PTPRD: variants seen among roughly 807,000 people sequenced by gnomAD.
PTPRD encodes protein tyrosine phosphatase receptor type D.
A neutral mutation model predicts 214.5 loss-of-function variants in PTPRD; 34 were observed. That is an observed-to-expected ratio of 0.16 (90% confidence interval 0.12 to 0.21). PTPRD has a LOEUF of 0.21. Among genes scored for constraint, PTPRD ranks in the 10% least tolerant of loss-of-function variants. The pLI, the probability that PTPRD is intolerant of heterozygous loss-of-function variation, is 1.00. For synonymous variants in PTPRD, 1,128 were observed against 845.7 expected, an observed-to-expected ratio of 1.33 and a Z score of -5.79; for missense variants, 2,545 against 2,398.7, an observed-to-expected ratio of 1.06 and a Z score of -1.27.
chr9:9,052,732 G>A (rs544076214), intron 10 of PTPRD, among the ~76,000 whole-genome samples: 1 of 152,204 alleles, frequency 6.6e-6, no homozygotes, highest in Non-Finnish European at 1.5e-5. Context: ...GTACAAAGCT[G>A]TAAAGAAGTC....
intron 2 of PTPRD, among the ~76,000 whole-genome samples, chr9:10,494,235 T>G (rs538991792): frequency 1.3e-5 from 2 of 152,036 alleles, no homozygotes; most frequent in African/African-American, 4.8e-5. Context: ...AAGGTAAAAT[T>G]TAATTCTTTC....
chr9:8,613,421 T>C (rs2095515312), intron 14 of PTPRD, among the ~76,000 whole-genome samples: 1 of 152,142 alleles, frequency 6.6e-6, no homozygotes, highest in Non-Finnish European at 1.5e-5. Context: ...TTCAACCATA[T>C]CTAGAAATAC....
chr9:8,831,905 T>C lies in PTPRD; in HGVS notation c.-103-97959A>G, dbSNP rs558618724. 3.0e-4 allele frequency among the ~76,000 whole-genome samples: 30 copies of C among 99,232 alleles called. No individual in the cohort carries two copies. In the South Asian group the frequency reaches 7.7e-3, roughly 26 times the overall value. The allele number at this position is 99,232 out of a possible 152,430, so 65.1% of individuals were successfully genotyped here. A position where few individuals can be genotyped will look rare whatever the true frequency, so the allele number is the denominator to read the frequency against. On this transcript the variant is annotated intron_variant, in intron 11 of 45. Coordinates refer to ENST00000381196, the MANE Select transcript of PTPRD (RefSeq NM_002839.4). Reference sequence around the variant, plus strand: ...TGAAGTCCATATTCTATTTCTCCTTTAGTGCTTTTTTTGACAGTTGGAAAT... The same window carrying C: ...TGAAGTCCATATTCTATTTCTCCTTCAGTGCTTTTTTTGACAGTTGGAAAT...
intron 9 of PTPRD, among the ~76,000 whole-genome samples, chr9:9,230,425 T>A (rs887338158): frequency 8.5e-5 from 13 of 152,084 alleles, no homozygotes; most frequent in African/African-American, 3.1e-4. Flanking sequence ...ATAAGTACAG[T>A]GTTTCCCTGA....
At chr9:10,241,823 A>G (rs1053887209) in intron 3 of PTPRD, among the ~76,000 whole-genome samples, 3 of 152,008 alleles carry the variant, frequency 2.0e-5, no homozygotes, top group African/African-American at 7.2e-5. Flanking sequence ...CACTTTAAAT[A>G]GGGACAATTT....
At chr9:10,579,864 A>G (rs966304828) in intron 2 of PTPRD, among the ~76,000 whole-genome samples, 1 of 152,162 alleles carries the variant, frequency 6.6e-6, no homozygotes, top group African/African-American at 2.4e-5. Context: ...GACAACATTA[A>G]GCATTTTTTC....
chr9:10,526,686 A>AATACCC (rs2054387737), intron 2 of PTPRD, among the ~76,000 whole-genome samples: 1 of 152,108 alleles, frequency 6.6e-6, no homozygotes, highest in Non-Finnish European at 1.5e-5. Flanking sequence ...TACATAAAAG[A>AATACCC]GTTACCCAAA....
intron 7 of PTPRD, among the ~76,000 whole-genome samples, chr9:9,659,276 A>C (rs1027880546): frequency 6.6e-6 from 1 of 152,158 alleles, no homozygotes; most frequent in Admixed American, 6.6e-5. Flanking sequence ...TCATTGTACA[A>C]GAATTATTTC....
intron 11 of PTPRD, among the ~76,000 whole-genome samples, chr9:8,775,917 A>T (rs1468880595): frequency 6.6e-6 from 1 of 152,230 alleles, no homozygotes; most frequent in Non-Finnish European, 1.5e-5. Flanking sequence ...TCACATGAAC[A>T]GCTTGATGTT....
At chr9:9,942,332 A>T (rs1434380899) in intron 4 of PTPRD, among the ~76,000 whole-genome samples, 2 of 152,172 alleles carry the variant, frequency 1.3e-5, no homozygotes, top group Non-Finnish European at 2.9e-5. Flanking sequence ...AAGCATCTTC[A>T]TCATCTTCAT....
At chr9:8,600,559 C>T (rs1259303100) in intron 14 of PTPRD, among the ~76,000 whole-genome samples, 1 of 151,776 alleles carries the variant, frequency 6.6e-6, no homozygotes, top group African/African-American at 2.4e-5. Flanking sequence ...TGTCTTGCAT[C>T]TTGGATGCCC....
intron 7 of PTPRD, among the ~76,000 whole-genome samples, chr9:9,579,990 G>C (rs1181297046): frequency 1.3e-5 from 2 of 152,160 alleles, no homozygotes; most frequent in East Asian, 3.9e-4. Context: ...CACTTAAGAT[G>C]ATGACCTCCA....
At chr9:8,341,353 C>T in intron 40 of PTPRD, 85 bp from the exon 41 acceptor site, 2 of 1,369,422 alleles carry the variant, frequency 1.5e-6, no homozygotes, top group Non-Finnish European at 2.0e-6. Flanking sequence ...CCCAGATTTC[C>T]CTTTTAGATA....
intron 9 of PTPRD, among the ~76,000 whole-genome samples, chr9:9,279,480 T>A (rs1946884251): frequency 6.7e-6 from 1 of 150,164 alleles, no homozygotes; most frequent in Non-Finnish European, 1.5e-5. Flanking sequence ...CCTTTCTTAA[T>A]GATATATAGA....
chr9:10,256,417 G>A, intron 3 of PTPRD, among the ~76,000 whole-genome samples: 1 of 149,502 alleles, frequency 6.7e-6, no homozygotes, highest in Non-Finnish European at 1.5e-5. Context: ...TTAATAAGTA[G>A]GAGTACACTC....
chr9:10,255,929 G>T (rs1376424984), intron 3 of PTPRD, among the ~76,000 whole-genome samples: 3 of 152,112 alleles, frequency 2.0e-5, no homozygotes, highest in Non-Finnish European at 2.9e-5. Flanking sequence ...ACCTGTCCTT[G>T]GCGTGTTAGG....
intron 8 of PTPRD, among the ~76,000 whole-genome samples, chr9:9,433,150 C>G (rs1158061832): frequency 4.6e-5 from 7 of 152,184 alleles, no homozygotes; most frequent in Admixed American, 2.0e-4. Context: ...TCAAAGCAAA[C>G]ACATGCTTTA....
intron 4 of PTPRD, among the ~76,000 whole-genome samples, chr9:9,969,155 T>A (rs892249325): frequency 6.6e-6 from 1 of 151,564 alleles, no homozygotes; most frequent in Non-Finnish European, 1.5e-5. Context: ...TGAGGTTACA[T>A]AGAAATTAGG....
chr9:9,167,864 T>C lies in PTPRD; in HGVS notation c.-143+15440A>G, dbSNP rs138187720. Among the ~76,000 whole-genome samples, 666 of 152,318 alleles carry C rather than the reference T, an allele frequency of 4.4e-3. 3 individuals carry two copies. Among genetic ancestry groups the C allele is most frequent in the African/African-American group, 0.015 (604 of 41,568 alleles). On this transcript the variant is annotated intron_variant, in intron 10 of 45. Coordinates refer to ENST00000381196, the MANE Select transcript of PTPRD (RefSeq NM_002839.4). ...CATTTTACAGCCACTGCATGAAACATGCTATTTTATTTACTGGAGAGACAT... is the reference window on the plus strand; with the variant it reads ...CATTTTACAGCCACTGCATGAAACACGCTATTTTATTTACTGGAGAGACAT...
Sources: gnomAD v4.1 joint callset for allele counts (sites outside exome capture counted in the v4.1 genomes callset) on GRCh38, gnomAD v4.1.1 for gene constraint, MANE v1.5 for transcripts, NCBI Gene and HGNC (gene_info 2026-07-23, HGNC 2026-07-21) for gene names.